Variants in MTUS2 observed in about 807,000 individuals in gnomAD.
The protein encoded by MTUS2 is microtubule-associated tumor suppressor candidate 2.
A neutral mutation model predicts 114.1 loss-of-function variants in MTUS2; 40 were observed. That is an observed-to-expected ratio of 0.35 (90% CI 0.27 to 0.46). The LOEUF is 0.46. Ranked by LOEUF, MTUS2 falls within the 20% of genes least tolerant of loss-of-function variation. The pLI, the probability that MTUS2 is intolerant of heterozygous loss-of-function variation, is 1.00. For missense variants in MTUS2, 1,679 were observed against 1,705.4 expected (o/e 0.98, Z 0.27); for synonymous variants, 688 against 672.0 (o/e 1.02, Z -0.37).
At chr13:29,427,535 G>A (rs890983552) in intron 8 of MTUS2, among the ~76,000 whole-genome samples, 17 of 152,174 alleles carry the variant, frequency 1.1e-4, no homozygotes, top group African/African-American at 3.1e-4. Flanking sequence ...CAGCCAAGTC[G>A]CCTTCCTGAA....
intron 5 of MTUS2, among the ~76,000 whole-genome samples, chr13:29,233,453 G>A (rs189158013): frequency 2.6e-5 from 4 of 152,212 alleles, no homozygotes; most frequent in Non-Finnish European, 5.9e-5. Flanking sequence ...AACTATCGTC[G>A]ACATTCATGA....
At chr13:29,233,695 A>G (rs2139369763) in intron 5 of MTUS2, among the ~76,000 whole-genome samples, 1 of 152,324 alleles carries the variant, frequency 6.6e-6, no homozygotes, top group East Asian at 1.9e-4. Context: ...AGAAGTTGCT[A>G]TTTCCAGGGA....
chr13:29,383,242 G>GTATATATATATATATATA (rs1315060468), intron 8 of MTUS2, among the ~76,000 whole-genome samples: 1 of 28,618 alleles, frequency 3.5e-5, no homozygotes, highest in Admixed American at 6.4e-4. Flanking sequence ...GTGTGTGTGT[G>GTATATATATATATATATA]TGTGTGTGTG....
At chr13:28,976,058 G>A (rs193254217) in intron 2 of MTUS2, among the ~76,000 whole-genome samples, 10 of 152,152 alleles carry the variant, frequency 6.6e-5, no homozygotes, top group African/African-American at 2.4e-4. Context: ...ATAAAAAATA[G>A]GCAGGTGCGG....
At chr13:29,126,478 C>G (rs1449128846) in intron 5 of MTUS2, among the ~76,000 whole-genome samples, 1 of 152,194 alleles carries the variant, frequency 6.6e-6, no homozygotes, top group Non-Finnish European at 1.5e-5. Flanking sequence ...TTTCCTGTTT[C>G]TATCCAAAGC....
intron 8 of MTUS2, among the ~76,000 whole-genome samples, chr13:29,418,103 T>G (rs1348130803): frequency 1.3e-5 from 2 of 152,206 alleles, no homozygotes; most frequent in Non-Finnish European, 2.9e-5. Context: ...CTCTAACTGG[T>G]AAACCACAGC....
chr13:29,031,269 T>TGTGTGTGTGTGTGTGTGTGG (rs1223710633), intron 3 of MTUS2, among the ~76,000 whole-genome samples: 2 of 128,100 alleles, frequency 1.6e-5, no homozygotes, highest in African/African-American at 2.9e-5. Flanking sequence ...TGTGTGTGTG[T>TGTGTGTGTGTGTGTGTGTGG]GGTGTGTGTT....
At chr13:29,492,223 GGTGTGT>G (rs1882227488) in intron 11 of MTUS2, among the ~76,000 whole-genome samples, 1 of 101,718 alleles carries the variant, frequency 9.8e-6, no homozygotes, top group Admixed American at 1.2e-4. Context: ...ATGTGTGGTA[GGTGTGT>G]ATGTGTGTGG....
chr13:29,175,148 G>A (rs962935797), intron 5 of MTUS2, among the ~76,000 whole-genome samples: 2 of 152,150 alleles, frequency 1.3e-5, no homozygotes, highest in African/African-American at 2.4e-5. Flanking sequence ...CAAGCTGGAA[G>A]TAATTTAAAA....
At chr13:29,061,473 T>C (rs900785046) in intron 4 of MTUS2, among the ~76,000 whole-genome samples, 1 of 152,220 alleles carries the variant, frequency 6.6e-6, no homozygotes, top group Non-Finnish European at 1.5e-5. Flanking sequence ...TTTGTTAAAT[T>C]ATGCATGCAG....
intron 1 of MTUS2, among the ~76,000 whole-genome samples, chr13:28,826,483 T>G (rs1414598353): frequency 6.6e-6 from 1 of 152,214 alleles, no homozygotes. Flanking sequence ...CTTTTTACTC[T>G]GTTTACTGTA....
intron 6 of MTUS2, among the ~76,000 whole-genome samples, chr13:29,304,829 A>G (rs1213157813): frequency 6.6e-6 from 1 of 152,194 alleles, no homozygotes; most frequent in African/African-American, 2.4e-5. Flanking sequence ...AAACAACAGA[A>G]TATACATTCT....
At chr13:29,479,675 C>T (rs565342520) in intron 9 of MTUS2, among the ~76,000 whole-genome samples, 81 of 152,342 alleles carry the variant, frequency 5.3e-4, no homozygotes, top group Non-Finnish European at 8.1e-4. Context: ...CCATAGTGTG[C>T]AGCTCTCAAG....
chr13:29,478,827 C>A (rs2138885098), intron 9 of MTUS2, among the ~76,000 whole-genome samples: 1 of 152,244 alleles, frequency 6.6e-6, no homozygotes, highest in Non-Finnish European at 1.5e-5. Context: ...AGGAAGACCA[C>A]TGGGGACAGT....
At position 28,842,212 on chromosome 13, in the gene MTUS2, A is replaced by AT. The variant is rs942008624; in HGVS notation, c.-243+2372dup. Among the ~76,000 whole-genome samples the AT allele has an allele frequency of 8.7e-3, 1,295 of 149,348 alleles. 39 individuals are homozygous for AT. Among genetic ancestry groups the AT allele is most frequent in the Admixed American group, 0.059 (885 of 15,016 alleles). On this transcript the variant is annotated intron_variant, in intron 2 of 15. Coordinates refer to ENST00000612955, the MANE Select transcript of MTUS2 (RefSeq NM_001033602.4). ...CTATGTTTTGAAGAAAAAAATGTGG[A>AT]TTTTTTTTTTAATGAGTGGAGGAAG...
intron 2 of MTUS2, among the ~76,000 whole-genome samples, chr13:28,942,283 A>C (rs1882282845): frequency 6.6e-6 from 1 of 152,138 alleles, no homozygotes; most frequent in Non-Finnish European, 1.5e-5. Flanking sequence ...ATGAGATACC[A>C]GCACCCTGCC....
At chr13:29,491,263 T>A (rs1293034788) in intron 11 of MTUS2, among the ~76,000 whole-genome samples, 1 of 148,012 alleles carries the variant, frequency 6.8e-6, no homozygotes, top group Non-Finnish European at 1.5e-5. Flanking sequence ...GGCATGTAAG[T>A]GTGTCCTTGT....
intron 5 of MTUS2, among the ~76,000 whole-genome samples, chr13:29,190,982 A>G (rs1330552956): frequency 6.6e-6 from 1 of 152,084 alleles, no homozygotes; most frequent in Non-Finnish European, 1.5e-5. Context: ...TCCTTATAAG[A>G]GAGCCTTTTT....
chr13:29,385,911 CAG>C (rs1237578359), intron 8 of MTUS2, among the ~76,000 whole-genome samples: 1 of 152,190 alleles, frequency 6.6e-6, no homozygotes, highest in African/African-American at 2.4e-5. Flanking sequence ...CTGTCTCAAA[CAG>C]GGAATCTCAT....
Sources: allele counts gnomAD v4.1 joint callset (sites outside exome capture counted in the v4.1 genomes callset), GRCh38; gene constraint gnomAD v4.1.1; transcripts MANE v1.5; gene names NCBI Gene and HGNC (gene_info 2026-07-23, HGNC 2026-07-21).